The following PARD3 variants were observed in gnomAD, a reference collection of about 807,000 sequenced individuals.
PARD3 encodes the protein par-3 family cell polarity regulator.
In PARD3, 75 loss-of-function variants were observed where a neutral mutation model predicts 155.4. The ratio of observed to expected loss-of-function variants is 0.48; its 90% CI spans 0.40 to 0.58. PARD3 has a LOEUF of 0.58. Among genes scored for constraint, PARD3 ranks in the 20% least tolerant of loss-of-function variants. PARD3 has a pLI of 0.00. For synonymous variants in PARD3, 576 were observed against 610.5 expected, an observed-to-expected ratio of 0.94 and a Z score of 0.83; for missense variants, 1,642 against 1,721.7, an observed-to-expected ratio of 0.95 and a Z score of 0.82.
rs544057580 is a variant in PARD3 at position 34,402,018 on chromosome 10, T to G, written c.715-101A>C. 2.7e-4 allele frequency: 240 copies of G among 898,298 alleles called. No individual in the cohort carries two copies. The African/African-American group carries it at 3.6e-3, about 14-fold the overall frequency. The allele number at this position is 898,298 out of a possible 1,614,324, so 55.6% of individuals were successfully genotyped here. On this transcript the variant is annotated intron_variant, in intron 5 of 24. Coordinates refer to ENST00000374788, the MANE Select transcript of PARD3 (RefSeq NM_001184785.2). ...AATGGAAGTCTAATAGGCATTATGA[T>G]CTTGGTAACTGTTTCCTCTAAGAAG...
At position 34,382,603 on chromosome 10, in the gene PARD3, T is replaced by G; in HGVS notation, c.1336A>C (p.Thr446Pro). ...ASAPQNVFST[T>P]VSSGYNTKKI... Reference sequence around the variant, plus strand: ...TTGGTGTTATAACCACTGCTTACAGTCGTACTAAATACATTCTGAGGTGCC... The same window carrying G: ...TTGGTGTTATAACCACTGCTTACAGGCGTACTAAATACATTCTGAGGTGCC... The change falls in exon 9 of 25, where the codon ACT becomes CCT. Residue 446 changes from threonine to proline, a missense_variant. Transcript: ENST00000374788. 2 of 1,614,034 alleles carry G rather than the reference T, an allele frequency of 1.2e-6. No homozygotes were observed. The highest frequency in any genetic ancestry group is 2.2e-5 in the South Asian group (2 of 91,068).
intron 2 of PARD3, among the ~76,000 whole-genome samples, chr10:34,612,449 AAAAAT>A (rs2090979246): frequency 6.6e-6 from 1 of 152,220 alleles, no homozygotes; most frequent in Non-Finnish European, 1.5e-5. Context: ...AGGAAAAAGA[AAAAAT>A]AAAAAGTAGC....
At chr10:34,282,545 T>C (rs12146404) in intron 21 of PARD3, among the ~76,000 whole-genome samples, 6,807 of 152,238 alleles carry the variant, frequency 0.045, 439 homozygotes, top group African/African-American at 0.14. Context: ...CATGGAAACA[T>C]AGCAGTCACC....
chr10:34,182,347 C>T lies in PARD3; in HGVS notation c.3420-50764G>A, dbSNP rs188950775. Among the ~76,000 whole-genome samples, 372 of 152,198 alleles carry T rather than the reference C, an allele frequency of 2.4e-3. 2 individuals are homozygous for T. Among genetic ancestry groups the T allele is most frequent in the African/African-American group, 8.6e-3 (358 of 41,524 alleles). ...ATTTCTCTACATATACTAGTTAACT[C>T]GAAAGTAACATAAAAATGATTTAAC... On this transcript the variant is annotated intron_variant, in intron 22 of 24. Transcript: ENST00000374788.
intron 1 of PARD3, among the ~76,000 whole-genome samples, chr10:34,715,828 A>G (rs1403840601): frequency 6.6e-6 from 1 of 152,240 alleles, no homozygotes. Context: ...CATACGAATC[A>G]ACTAGAGCTC....
At chr10:34,445,026 C>G (rs2076665456) in intron 5 of PARD3, among the ~76,000 whole-genome samples, 1 of 152,080 alleles carries the variant, frequency 6.6e-6, no homozygotes, top group Admixed American at 6.5e-5. Flanking sequence ...GCCATCAGTT[C>G]TACCCTGGTG....
rs77704490 is a variant in PARD3 at position 34,412,910 on chromosome 10, A to G, written c.715-10993T>C. On this transcript the variant is annotated intron_variant, in intron 5 of 24. Coordinates refer to ENST00000374788, the MANE Select transcript of PARD3 (RefSeq NM_001184785.2). Reference sequence around the variant, plus strand: ...ATAGGCCAAATAAGAAATAGAAAATACAGAAGACATTACTTTCATTTACAA... The same window carrying G: ...ATAGGCCAAATAAGAAATAGAAAATGCAGAAGACATTACTTTCATTTACAA... Among the ~76,000 whole-genome samples the G allele has an allele frequency of 3.0e-3, 451 of 152,302 alleles. 2 individuals are homozygous for G. The highest frequency in any genetic ancestry group is 0.01 in the African/African-American group (427 of 41,560).
chr10:34,576,378 T>C (rs530112937), intron 2 of PARD3, among the ~76,000 whole-genome samples: 3 of 152,124 alleles, frequency 2.0e-5, no homozygotes, highest in East Asian at 1.9e-4. Context: ...CTTTTAAAAG[T>C]TGTTAATAGC....
At chr10:34,460,675 T>C (rs1367339760) in intron 4 of PARD3, among the ~76,000 whole-genome samples, 26 of 151,514 alleles carry the variant, frequency 1.7e-4, no homozygotes, top group Admixed American at 1.7e-3. Flanking sequence ...CTACTAAAAA[T>C]ACAAAAAATT....
intron 23 of PARD3, among the ~76,000 whole-genome samples, chr10:34,123,488 C>A (rs1289372109): frequency 6.6e-6 from 1 of 152,046 alleles, no homozygotes; most frequent in African/African-American, 2.4e-5. Context: ...GTTGCCAAGG[C>A]TGGAGTACAG....
At chr10:34,566,719 G>A (rs2085970276) in intron 2 of PARD3, among the ~76,000 whole-genome samples, 1 of 152,158 alleles carries the variant, frequency 6.6e-6, no homozygotes, top group Admixed American at 6.5e-5. Context: ...TAGTCTTATA[G>A]AGTTCTATCT....
chr10:34,688,054 G>C (rs2133399712), intron 2 of PARD3, among the ~76,000 whole-genome samples: 1 of 151,792 alleles, frequency 6.6e-6, no homozygotes, highest in East Asian at 2.0e-4. Context: ...AGTCTCGTTA[G>C]GTTGCCCAGG....
At chr10:34,756,150 C>CTTTTTTTTTTT (rs58993670) in intron 1 of PARD3, among the ~76,000 whole-genome samples, 1 of 94,544 alleles carries the variant, frequency 1.1e-5, no homozygotes, top group Non-Finnish European at 1.9e-5. Context: ...AAAAATGCAC[C>CTTTTTTTTTTT]TTTTTTTTTT....
At chr10:34,193,662 T>C (rs971224964) in intron 22 of PARD3, among the ~76,000 whole-genome samples, 3 of 152,240 alleles carry the variant, frequency 2.0e-5, no homozygotes, top group Admixed American at 2.0e-4. Context: ...ATGGGTAGTT[T>C]ATTCTGTATG....
At chr10:34,506,302 G>A (rs2081057766) in intron 3 of PARD3, among the ~76,000 whole-genome samples, 1 of 152,034 alleles carries the variant, frequency 6.6e-6, no homozygotes, top group South Asian at 2.1e-4. Context: ...GGAGACCTGG[G>A]CTTCAGTTAT....
At position 34,524,954 on chromosome 10, in the gene PARD3, A is replaced by G. The variant is rs371964923; in HGVS notation, c.223-7795T>C. On this transcript the variant is annotated intron_variant, in intron 2 of 24. Coordinates refer to ENST00000374788, the MANE Select transcript of PARD3 (RefSeq NM_001184785.2). ...AACTAATTATTACGTAGACACAACA[A>G]AAAGGGAACTAAAAATCAATTTGTA... 5.3e-5 allele frequency among the ~76,000 whole-genome samples: 8 copies of G among 152,344 alleles called. No homozygotes were observed. The East Asian group carries it at 9.6e-4, about 18-fold the overall frequency.
At chr10:34,182,680 C>T (rs1313353611) in intron 22 of PARD3, among the ~76,000 whole-genome samples, 3 of 150,218 alleles carry the variant, frequency 2.0e-5, no homozygotes, top group Admixed American at 6.6e-5. Flanking sequence ...TCAGTAAATG[C>T]AAACTCCCTC....
chr10:34,176,525 T>G (rs900896297), intron 22 of PARD3, among the ~76,000 whole-genome samples: 1 of 152,316 alleles, frequency 6.6e-6, no homozygotes, highest in Middle Eastern at 3.4e-3. Flanking sequence ...AATGGTTTTC[T>G]TACGCATTTC....
chr10:34,463,309 AGGGAAG>A (rs1386240831), intron 4 of PARD3, among the ~76,000 whole-genome samples: 2 of 106,100 alleles, frequency 1.9e-5, no homozygotes, highest in African/African-American at 3.9e-5. Flanking sequence ...GGGAGGGGAA[AGGGAAG>A]GGGAAAGGGA....
Sources: allele counts gnomAD v4.1 joint callset (sites outside exome capture counted in the v4.1 genomes callset), GRCh38; gene constraint gnomAD v4.1.1; transcripts MANE v1.5; gene names NCBI Gene and HGNC (gene_info 2026-07-23, HGNC 2026-07-21).